GMDS: variants seen among roughly 807,000 people sequenced by gnomAD.
The protein encoded by GMDS is GDP-mannose 4,6 dehydratase.
A neutral mutation model predicts 49.9 loss-of-function variants in GMDS; 20 were observed. The ratio of observed to expected loss-of-function variants is 0.40; its 90% CI spans 0.28 to 0.58. GMDS has a LOEUF of 0.58. GMDS is among the 20% of genes least tolerant of loss of function. GMDS has a pLI of 0.42. For synonymous variants in GMDS, 177 were observed against 178.6 expected (o/e 0.99, Z 0.07); for missense variants, 362 against 481.4 (o/e 0.75, Z 2.32).
chr6:1,810,775 T>C (rs1230842977), intron 7 of GMDS, among the ~76,000 whole-genome samples: 1 of 152,198 alleles, frequency 6.6e-6, no homozygotes, highest in Non-Finnish European at 1.5e-5. Flanking sequence ...CGAGATCAGA[T>C]TGGCATTTAG....
intron 4 of GMDS, among the ~76,000 whole-genome samples, chr6:2,011,302 ATGTT>A (rs753895030): frequency 3.9e-5 from 6 of 152,332 alleles, no homozygotes; most frequent in East Asian, 1.9e-4. Flanking sequence ...AAAATAGAAG[ATGTT>A]GGTGAGGATG....
intron 7 of GMDS, among the ~76,000 whole-genome samples, chr6:1,919,134 T>C (rs749591962): frequency 7.2e-5 from 11 of 152,102 alleles, no homozygotes; most frequent in Admixed American, 5.9e-4. Context: ...GTGCCAGGCA[T>C]GTTGGGAGGG....
Position 1,695,273 on chromosome 6 carries a change from G to A in GMDS, c.987+31143C>T, listed in dbSNP as rs138951026. Among the ~76,000 whole-genome samples the A allele has an allele frequency of 2.2e-4, 33 of 152,308 alleles. No individual in the cohort carries two copies. In the East Asian group the frequency reaches 6.4e-3, roughly 29 times the overall value. On this transcript the variant is annotated intron_variant, in intron 9 of 10. Transcript: ENST00000380815. ...CTGATATGAGTTAGAAATCTCCACA[G>A]TGAGTGAATCTTAAATTTGGAGTCT...
At chr6:1,723,858 T>G (rs1160375106) in intron 9 of GMDS, among the ~76,000 whole-genome samples, 1 of 152,184 alleles carries the variant, frequency 6.6e-6, no homozygotes, top group Non-Finnish European at 1.5e-5. Context: ...AGAAGCTTGG[T>G]GCTTTTCAGG....
At chr6:1,740,344 G>A (rs1056697321) in intron 8 of GMDS, among the ~76,000 whole-genome samples, 2 of 152,112 alleles carry the variant, frequency 1.3e-5, no homozygotes, top group Admixed American at 6.5e-5. Context: ...ATCACTTGAG[G>A]TCAGGAGTTT....
At chr6:2,067,753 C>T (rs1179434991) in intron 4 of GMDS, among the ~76,000 whole-genome samples, 21 of 151,598 alleles carry the variant, frequency 1.4e-4, no homozygotes, top group African/African-American at 3.4e-4. Flanking sequence ...TAACAGGATC[C>T]GAAATTGTGG....
chr6:1,734,002 A>G (rs1450948878), intron 8 of GMDS, among the ~76,000 whole-genome samples: 2 of 152,154 alleles, frequency 1.3e-5, no homozygotes, highest in African/African-American at 4.8e-5. Flanking sequence ...AGGGGAAAGG[A>G]GGGCGGGTGC....
chr6:1,991,571 G>A (rs917673060), intron 4 of GMDS, among the ~76,000 whole-genome samples: 7 of 152,182 alleles, frequency 4.6e-5, no homozygotes, highest in Non-Finnish European at 1.0e-4. Flanking sequence ...TTTCCTGAGT[G>A]TTGACTTCTC....
intron 4 of GMDS, among the ~76,000 whole-genome samples, chr6:2,022,967 A>G (rs1407543358): frequency 6.6e-6 from 1 of 152,116 alleles, no homozygotes; most frequent in Non-Finnish European, 1.5e-5. Context: ...GGTTTTTTTA[A>G]TTACTTATAA....
chr6:1,978,517 C>T lies in GMDS; in HGVS notation c.346-17551G>A, dbSNP rs550640075. ...CAGACTGCTTCTTTAAGCAGGACTC[C>T]GTTATACTCCTCCTTGTGGGGCGGG... On this transcript the variant is annotated intron_variant, in intron 4 of 10. Transcript: ENST00000380815. Among the ~76,000 whole-genome samples, 21 of 152,246 alleles carry T rather than the reference C, an allele frequency of 1.4e-4. No homozygotes were observed. In the South Asian group the frequency reaches 3.1e-3, roughly 23 times the overall value.
At chr6:1,963,782 C>T (rs1486410300) in intron 4 of GMDS, among the ~76,000 whole-genome samples, 1 of 152,194 alleles carries the variant, frequency 6.6e-6, no homozygotes, top group African/African-American at 2.4e-5. Flanking sequence ...GGCCACTGAG[C>T]AGATCACTCA....
At chr6:1,799,648 C>A (rs571112111) in intron 7 of GMDS, among the ~76,000 whole-genome samples, 1 of 152,068 alleles carries the variant, frequency 6.6e-6, no homozygotes, top group African/African-American at 2.4e-5. Context: ...GAGAAATTGG[C>A]TGAGGGGCTG....
intron 9 of GMDS, among the ~76,000 whole-genome samples, chr6:1,695,575 C>T (rs1186939299): frequency 2.6e-5 from 4 of 152,184 alleles, no homozygotes; most frequent in East Asian, 1.9e-4. Context: ...CAGTAGATAA[C>T]GTCTAACAGC....
intron 4 of GMDS, among the ~76,000 whole-genome samples, chr6:2,057,629 C>T (rs1244320831): frequency 6.6e-6 from 1 of 152,160 alleles, no homozygotes; most frequent in Non-Finnish European, 1.5e-5. Flanking sequence ...TTTAAACTTG[C>T]CTGACTCCCT....
chr6:1,691,218 A>T (rs996982610), intron 9 of GMDS, among the ~76,000 whole-genome samples: 1 of 152,202 alleles, frequency 6.6e-6, no homozygotes, highest in Non-Finnish European at 1.5e-5. Flanking sequence ...AGGGACATCG[A>T]TGAAGCTGGA....
At chr6:1,791,948 C>T (rs891410794) in intron 7 of GMDS, among the ~76,000 whole-genome samples, 4 of 152,154 alleles carry the variant, frequency 2.6e-5, no homozygotes, top group Non-Finnish European at 4.4e-5. Context: ...TCAGAGTCCC[C>T]TTTCAATACT....
chr6:2,059,154 C>A (rs1235592035), intron 4 of GMDS, among the ~76,000 whole-genome samples: 1 of 107,406 alleles, frequency 9.3e-6, no homozygotes, highest in African/African-American at 3.7e-5. Context: ...CCAGCCTGGG[C>A]GACAGAGTGA....
At chr6:1,916,526 A>C (rs985392496) in intron 7 of GMDS, among the ~76,000 whole-genome samples, 1 of 152,048 alleles carries the variant, frequency 6.6e-6, no homozygotes, top group Non-Finnish European at 1.5e-5. Context: ...ACAGAGGGAA[A>C]GGAGAGTGAA....
intron 1 of GMDS, among the ~76,000 whole-genome samples, chr6:2,233,398 G>A (rs1232913219): frequency 6.8e-6 from 1 of 147,488 alleles, no homozygotes; most frequent in African/African-American, 2.5e-5. Flanking sequence ...CTTTTTCAGT[G>A]AAGGGCCAGA....
Sources: gnomAD v4.1 joint callset for allele counts (sites outside exome capture counted in the v4.1 genomes callset) on GRCh38, gnomAD v4.1.1 for gene constraint, MANE v1.5 for transcripts, NCBI Gene and HGNC (gene_info 2026-07-23, HGNC 2026-07-21) for gene names.